Variants in GDF6 observed in about 807,000 individuals in gnomAD.
The protein encoded by GDF6 is growth/differentiation factor 6.
Under a neutral mutation model 32.4 loss-of-function variants are expected in GDF6, and 3 were observed. The observed-to-expected ratio is 0.09, with a 90% CI of 0.04 to 0.24. GDF6 has a LOEUF of 0.24. GDF6 is among the 10% of genes least tolerant of loss of function. GDF6 has a pLI of 1.00. For synonymous variants in GDF6, 296 were observed against 295.3 expected, an observed-to-expected ratio of 1.00 and a Z score of -0.03; for missense variants, 589 against 637.9, an observed-to-expected ratio of 0.92 and a Z score of 0.83.
In GDF6 at chr8:96,144,629, G is replaced by A. The variant is rs138730867; in HGVS notation, c.1302C>T (p.Asp434=). ...KLTPISILYI[D]AGNNVVYKQY... ...GCTTGTAGACCACATTATTGCCCGC[G>A]TCGATGTATAGAATGCTGATGGGAG... The change falls in exon 2 of 2, where the codon GAC becomes GAT. Residue 434 remains aspartate, a synonymous_variant. Coordinates refer to ENST00000287020, the MANE Select transcript of GDF6 (RefSeq NM_001001557.4). This position sits in a 1 kb window ranked among gnomAD's most constrained non-coding sequence, Gnocchi z 5.1. The A allele has an allele frequency of 9.8e-5, 158 of 1,614,068 alleles. No individual in the cohort carries two copies. The East Asian group carries it at 2.8e-3, about 28-fold the overall frequency.
chr8:96,153,841 G>A (rs1378693735), intron 1 of GDF6, among the ~76,000 whole-genome samples: 1 of 152,116 alleles, frequency 6.6e-6, no homozygotes, highest in African/African-American at 2.4e-5. Flanking sequence ...GCTCTTTAAG[G>A]TGCTGGGCCG....
intron 1 of GDF6, among the ~76,000 whole-genome samples, chr8:96,156,469 C>G (rs1225241141): frequency 2.0e-5 from 3 of 151,518 alleles, no homozygotes; most frequent in Admixed American, 2.0e-4. Context: ...CTCAGCCCTG[C>G]TAAATTCATA....
At position 96,145,557 on chromosome 8, in the gene GDF6, A is replaced by C; in HGVS notation, c.407-33T>G. 1.3e-6 allele frequency: 2 copies of C among 1,597,162 alleles called. No individual in the cohort carries two copies. Among genetic ancestry groups the C allele is most frequent in the Non-Finnish European group, 1.7e-6 (2 of 1,179,494 alleles). ...ATAAAAAATAATTACAGTCAGTTTC[A>C]CTTAAGGGGGAGATCAGCCCGGTGC... is the stretch of plus-strand genomic sequence containing the variant. On this transcript the variant is annotated intron_variant, in intron 1 of 1. Transcript: ENST00000287020. This position sits in a 1 kb window ranked among gnomAD's most constrained non-coding sequence, Gnocchi z 5.6.
Position 96,144,478 on chromosome 8 carries a change from C to T in GDF6, c.*85G>A. On this transcript the variant is annotated 3_prime_UTR_variant, in exon 2 of 2. Transcript: ENST00000287020. This position sits in a 1 kb window ranked among gnomAD's most constrained non-coding sequence, Gnocchi z 5.1. Reference sequence around the variant, plus strand: ...AGCCTCCCCCAGCGCCAGCTTCCTCCTCCGCCTCTCTGCAGCCAGGCCTCC... The same window carrying T: ...AGCCTCCCCCAGCGCCAGCTTCCTCTTCCGCCTCTCTGCAGCCAGGCCTCC... 1.3e-6 allele frequency: 2 copies of T among 1,523,010 alleles called. No individual in the cohort carries two copies. The highest frequency in any genetic ancestry group is 2.4e-5 in the East Asian group (1 of 41,774). 94.3% of individuals were successfully genotyped at this position (1,523,010 alleles called of 1,614,324 possible).
intron 1 of GDF6, among the ~76,000 whole-genome samples, chr8:96,150,038 G>C (rs1812541318): frequency 6.6e-6 from 1 of 152,182 alleles, no homozygotes; most frequent in African/African-American, 2.4e-5. Context: ...TTGGAGGTGG[G>C]AAGGGCCTGG....
intron 1 of GDF6, among the ~76,000 whole-genome samples, chr8:96,157,548 C>T (rs1268566219): frequency 6.6e-6 from 1 of 152,156 alleles, no homozygotes; most frequent in African/African-American, 2.4e-5. Context: ...GCGATTTAAA[C>T]ATCCCTTAGG....
intron 1 of GDF6, among the ~76,000 whole-genome samples, chr8:96,156,686 G>C (rs1203997314): frequency 1.3e-5 from 2 of 152,086 alleles, no homozygotes; most frequent in African/African-American, 4.8e-5. Context: ...CACAATATAA[G>C]AGCATTTTTA....
intron 1 of GDF6, among the ~76,000 whole-genome samples, chr8:96,146,998 A>G (rs1039394754): frequency 3.3e-5 from 5 of 152,230 alleles, no homozygotes; most frequent in Non-Finnish European, 7.3e-5. Context: ...CTGCCTTCCC[A>G]TAAAATATTT....
chr8:96,151,249 C>T (rs1222782165), intron 1 of GDF6, among the ~76,000 whole-genome samples: 4 of 152,174 alleles, frequency 2.6e-5, no homozygotes, highest in Non-Finnish European at 5.9e-5. Flanking sequence ...TTTCTTAACC[C>T]CAATACTCAT....
chr8:96,158,804 A>G lies in GDF6; in HGVS notation c.406+1483T>C, dbSNP rs114218846. The stretch of plus-strand genomic sequence containing the variant: ...AGTTGCACTACTACGAAGAAGCCAC[A>G]TGTCTTTGCAAAGGTGACTTTAGTA... On this transcript the variant is annotated intron_variant, in intron 1 of 1. Coordinates refer to ENST00000287020, the MANE Select transcript of GDF6 (RefSeq NM_001001557.4). Among the ~76,000 whole-genome samples the G allele has an allele frequency of 2.3e-3, 345 of 152,358 alleles. 2 individuals are homozygous for G. Among genetic ancestry groups the G allele is most frequent in the African/African-American group, 7.8e-3 (325 of 41,590 alleles).
At chr8:96,152,590 G>A (rs1812587253) in intron 1 of GDF6, among the ~76,000 whole-genome samples, 1 of 152,200 alleles carries the variant, frequency 6.6e-6, no homozygotes, top group East Asian at 1.9e-4. Context: ...AGGGCCCCTT[G>A]GGCTGCAGCA....
intron 1 of GDF6, among the ~76,000 whole-genome samples, chr8:96,149,331 A>G (rs1338548075): frequency 6.6e-6 from 1 of 152,334 alleles, no homozygotes; most frequent in East Asian, 1.9e-4. Context: ...CTGGTTTGTT[A>G]CAGCTTATTC....
intron 1 of GDF6, among the ~76,000 whole-genome samples, chr8:96,155,786 C>T (rs1196193616): frequency 6.6e-6 from 1 of 152,242 alleles, no homozygotes; most frequent in African/African-American, 2.4e-5. Context: ...TGAATTCCCT[C>T]CGTCCCCATT....
At chr8:96,152,216 T>G (rs1812580124) in intron 1 of GDF6, among the ~76,000 whole-genome samples, 1 of 152,204 alleles carries the variant, frequency 6.6e-6, no homozygotes, top group South Asian at 2.1e-4. Context: ...GGCTGCAGCC[T>G]CACCTCATCA....
Position 96,145,801 on chromosome 8 carries a change from CG to C in GDF6, c.407-278del, listed in dbSNP as rs1213243185. The stretch of plus-strand genomic sequence containing the variant: ...TGGCGAGGCGGCGGCGGCGGCCTAC[CG>C]GGTTTTCCCCCCAAAAGGCTTCGTA... On this transcript the variant is annotated intron_variant, in intron 1 of 1. Transcript: ENST00000287020. The surrounding 1 kb of genome is among the most constrained non-coding windows in gnomAD (Gnocchi z 5.6). 6.6e-6 allele frequency among the ~76,000 whole-genome samples: 1 copy of C among 152,098 alleles called. No individual in the cohort carries two copies. Among genetic ancestry groups the C allele is most frequent in the African/African-American group, 2.4e-5 (1 of 41,462 alleles).
chr8:96,145,534 A>T lies in GDF6; in HGVS notation c.407-10T>A. The T allele has an allele frequency of 6.3e-7, 1 of 1,597,704 alleles. No homozygotes were observed. Among genetic ancestry groups the T allele is most frequent in the Non-Finnish European group, 8.5e-7 (1 of 1,179,592 alleles). ...GTGTGCGAGAGATCGTCTGCGAGAT[A>T]AAAAATAATTACAGTCAGTTTCACT... On this transcript the variant is annotated splice_polypyrimidine_tract_variant and intron_variant, in intron 1 of 1. Transcript: ENST00000287020. This position sits in a 1 kb window ranked among gnomAD's most constrained non-coding sequence, Gnocchi z 5.6.
chr8:96,158,427 G>A (rs2130234054), intron 1 of GDF6, among the ~76,000 whole-genome samples: 1 of 152,326 alleles, frequency 6.6e-6, no homozygotes, highest in Admixed American at 6.5e-5. Flanking sequence ...ACAGGCTTCC[G>A]GAGACACCTC....
chr8:96,145,472 G>T lies in GDF6; in HGVS notation c.459C>A (p.Ser153=). ...LRRQKYLFDV[S]MLSDKEELVG... is the part of the protein sequence containing the mutation. ...CCAGCTCTTCTTTGTCTGAGAGCAT[G>T]GACACATCAAACAAATACTTCTGTC... Residue 153 remains serine, a synonymous_variant, in exon 2 of 2, where the codon TCC becomes TCA. Transcript: ENST00000287020. This position sits in a 1 kb window ranked among gnomAD's most constrained non-coding sequence, Gnocchi z 5.6. 1 of 1,597,940 alleles carries T rather than the reference G, an allele frequency of 6.3e-7. No individual in the cohort carries two copies. The highest frequency in any genetic ancestry group is 1.1e-5 in the South Asian group (1 of 91,038).
chr8:96,159,367 T>C lies in GDF6; in HGVS notation c.406+920A>G, dbSNP rs374760424. On this transcript the variant is annotated intron_variant, in intron 1 of 1. Coordinates refer to ENST00000287020, the MANE Select transcript of GDF6 (RefSeq NM_001001557.4). ...TGGTGCGAGGTTTTCTTGAGGGCAC[T>C]GGCCACGCTGCAGATCAACGCCGGT... 4.4e-3 allele frequency among the ~76,000 whole-genome samples: 671 copies of C among 152,280 alleles called. 2 individuals are homozygous for C. Among genetic ancestry groups the C allele is most frequent in the Non-Finnish European group, 6.4e-3 (434 of 68,022 alleles).
Sources: allele counts gnomAD v4.1 joint callset (sites outside exome capture counted in the v4.1 genomes callset), GRCh38; gene constraint gnomAD v4.1.1; non-coding constraint Gnocchi (gnomAD v3.1); transcripts MANE v1.5; gene names NCBI Gene and HGNC (gene_info 2026-07-23, HGNC 2026-07-21).